FTO: variants seen among roughly 807,000 people sequenced by gnomAD.
FTO encodes alpha-ketoglutarate-dependent dioxygenase FTO.
FTO carries 47 observed loss-of-function variants against 63.9 expected under a neutral mutation model. The ratio of observed to expected loss-of-function variants is 0.74; its 90% CI spans 0.58 to 0.94. The LOEUF (loss-of-function observed/expected upper bound fraction) is 0.94, where lower values mean the gene tolerates loss of function less well. Among genes scored for constraint, FTO ranks in the 40% least tolerant of loss-of-function variants. The pLI, the probability that FTO is intolerant of heterozygous loss-of-function variation, is 0.00. For synonymous variants in FTO, 207 were observed against 224.4 expected (o/e 0.92, Z 0.69); for missense variants, 562 against 618.1 (o/e 0.91, Z 0.96).
At chr16:54,025,168 G>A (rs1032956056) in intron 8 of FTO, among the ~76,000 whole-genome samples, 2 of 152,230 alleles carry the variant, frequency 1.3e-5, no homozygotes, top group Admixed American at 6.5e-5. Context: ...AGAGCCCCTT[G>A]ATGACAGTCC....
intron 1 of FTO, among the ~76,000 whole-genome samples, chr16:53,798,219 G>A (rs2078127756): frequency 6.6e-6 from 1 of 152,062 alleles, no homozygotes; most frequent in Admixed American, 6.6e-5. Flanking sequence ...TTTATACTAA[G>A]TCTTGAAGTT....
At chr16:53,720,035 C>T (rs970221890) in intron 1 of FTO, among the ~76,000 whole-genome samples, 2 of 152,056 alleles carry the variant, frequency 1.3e-5, no homozygotes, top group African/African-American at 2.4e-5. Flanking sequence ...CCCCCATTCC[C>T]CTTTCACTCC....
chr16:53,969,242 G>A (rs1424646199), intron 8 of FTO, among the ~76,000 whole-genome samples: 1 of 152,124 alleles, frequency 6.6e-6, no homozygotes, highest in Non-Finnish European at 1.5e-5. Context: ...TGATGTGCTT[G>A]TCCCAGAGAT....
At chr16:53,989,601 G>A (rs560088500) in intron 8 of FTO, among the ~76,000 whole-genome samples, 3 of 152,214 alleles carry the variant, frequency 2.0e-5, no homozygotes, top group South Asian at 2.1e-4. Context: ...CCACTTACTG[G>A]TAGAGTTACT....
At chr16:53,824,232 T>C (rs1391583801) in intron 2 of FTO, among the ~76,000 whole-genome samples, 1 of 152,256 alleles carries the variant, frequency 6.6e-6, no homozygotes, top group East Asian at 1.9e-4. Context: ...GCCTCCGCCT[T>C]CCTCTGCCTC....
intron 8 of FTO, among the ~76,000 whole-genome samples, chr16:54,060,688 T>C (rs2085548121): frequency 1.3e-5 from 2 of 152,178 alleles, no homozygotes; most frequent in South Asian, 4.1e-4. Flanking sequence ...CTAAATCAGA[T>C]CGGCTCATTT....
chr16:54,041,016 G>T (rs866043845), intron 8 of FTO, among the ~76,000 whole-genome samples: 2 of 152,156 alleles, frequency 1.3e-5, no homozygotes, highest in East Asian at 1.9e-4. Context: ...CTTTGAAAAT[G>T]TTAAAGCACT....
At chr16:53,905,489 C>G (rs1210439637) in intron 7 of FTO, among the ~76,000 whole-genome samples, 1 of 152,120 alleles carries the variant, frequency 6.6e-6, no homozygotes, top group Non-Finnish European at 1.5e-5. Context: ...TTTATTCCTC[C>G]CGCCATCCTG....
At chr16:53,962,946 A>C (rs569715277) in intron 8 of FTO, among the ~76,000 whole-genome samples, 1 of 152,320 alleles carries the variant, frequency 6.6e-6, no homozygotes, top group East Asian at 1.9e-4. Context: ...ATAGAGTATC[A>C]AGTTTAGAAG....
intron 8 of FTO, among the ~76,000 whole-genome samples, chr16:53,983,786 C>T (rs1260681537): frequency 1.1e-4 from 16 of 152,186 alleles, no homozygotes; most frequent in African/African-American, 3.9e-4. Context: ...CAGCCAGCTG[C>T]TGCCATGAGA....
intron 2 of FTO, among the ~76,000 whole-genome samples, chr16:53,814,139 A>C (rs1439835966): frequency 1.3e-5 from 2 of 152,226 alleles, no homozygotes; most frequent in Non-Finnish European, 2.9e-5. Flanking sequence ...AAACACCTTC[A>C]GAGAAGTTTT....
intron 4 of FTO, among the ~76,000 whole-genome samples, chr16:53,852,858 A>G (rs908099298): frequency 3.9e-5 from 6 of 152,196 alleles, no homozygotes; most frequent in African/African-American, 1.2e-4. Flanking sequence ...GAAGCATGCT[A>G]TAATGATTGC....
rs1328185214 is a variant in FTO at position 54,120,853 on chromosome 16, G to A, written c.*8938G>A. The A allele has an allele frequency of 6.6e-6, 1 of 152,038 alleles. No individual in the cohort carries two copies. Among genetic ancestry groups the A allele is most frequent in the Non-Finnish European group, 1.5e-5 (1 of 68,020 alleles). The allele number at this position is 152,038 out of a possible 1,614,324, so 9.4% of individuals were successfully genotyped here. A position where few individuals can be genotyped will look rare whatever the true frequency, so the allele number is the denominator to read the frequency against. On this transcript the variant is annotated 3_prime_UTR_variant, in exon 9 of 9. Transcript: ENST00000471389. Reference sequence around the variant, plus strand: ...GTGTGTGCTATTGTTTTCTCCATAGGTCACAAACATCCACAAGATATTGGT... The same window carrying A: ...GTGTGTGCTATTGTTTTCTCCATAGATCACAAACATCCACAAGATATTGGT...
chr16:53,991,910 C>G (rs1261826806), intron 8 of FTO: 1 of 152,166 alleles, frequency 6.6e-6, no homozygotes, highest in Admixed American at 6.5e-5. Context: ...AATGTTTACA[C>G]AAGCCAGTTG....
intron 1 of FTO, among the ~76,000 whole-genome samples, chr16:53,724,805 G>GA (rs1237314210): frequency 3.5e-4 from 53 of 152,262 alleles, no homozygotes; most frequent in African/African-American, 1.3e-3. Context: ...AAGCCCCGAG[G>GA]AAGAAATTCA....
intron 1 of FTO, among the ~76,000 whole-genome samples, chr16:53,723,153 A>G (rs1299935102): frequency 6.6e-6 from 1 of 152,154 alleles, no homozygotes; most frequent in Non-Finnish European, 1.5e-5. Flanking sequence ...AGCTGTAAAG[A>G]TATATATTTT....
At chr16:53,751,975 C>G (rs1294869655) in intron 1 of FTO, among the ~76,000 whole-genome samples, 9 of 152,158 alleles carry the variant, frequency 5.9e-5, no homozygotes, top group Admixed American at 5.9e-4. Flanking sequence ...TAGTCAAATC[C>G]TCTTTGACCC....
rs538768586 is a variant in FTO, at chr16:53,762,773, A to C, written c.46-47367A>C. On this transcript the variant is annotated intron_variant, in intron 1 of 8. Transcript: ENST00000471389. The stretch of plus-strand genomic sequence containing the variant: ...GTTTGCATTATCTTATCACAAAAGC[A>C]AGGCTCCTTTTGTAGACAGGAACCT... Among the ~76,000 whole-genome samples the C allele has an allele frequency of 1.5e-3, 221 of 152,354 alleles. 1 individual carries two copies. Among genetic ancestry groups the C allele is most frequent in the Non-Finnish European group, 2.6e-3 (177 of 68,032 alleles).
In FTO at chr16:53,787,110, CAAAAAAAAAAAAAAAA is replaced by C. The variant is rs35391915; in HGVS notation, c.46-23013_46-22998del. Among the ~76,000 whole-genome samples, 6 of 56,162 alleles carry C rather than the reference CAAAAAAAAAAAAAAAA, an allele frequency of 1.1e-4. No individual in the cohort carries two copies. In the East Asian group the frequency reaches 2.1e-3, roughly 20 times the overall value. 36.8% of individuals were successfully genotyped at this position (56,162 alleles called of 152,430 possible). A position where few individuals can be genotyped will look rare whatever the true frequency, so the allele number is the denominator to read the frequency against. On this transcript the variant is annotated intron_variant, in intron 1 of 8. Transcript: ENST00000471389. ...TGGGCAACAGAGTGAGACTCCTTCT[CAAAAAAAAAAAAAAAA>C]AAAAAAAAAAAAAAAAGAAAAAGAA...
Sources: gnomAD v4.1 joint callset for allele counts (sites outside exome capture counted in the v4.1 genomes callset) on GRCh38, gnomAD v4.1.1 for gene constraint, MANE v1.5 for transcripts, NCBI Gene and HGNC (gene_info 2026-07-23, HGNC 2026-07-21) for gene names.